Variants in GRM7 observed in about 807,000 individuals in gnomAD.
GRM7 encodes glutamate metabotropic receptor 7, also known as metabotropic glutamate receptor 7.
GRM7 carries 35 observed loss-of-function variants against 84.5 expected under a neutral mutation model. That is an observed-to-expected ratio of 0.41 (90% CI 0.32 to 0.55). The LOEUF is 0.55. GRM7 is among the 20% of genes least tolerant of loss of function. GRM7 has a pLI of 0.19. For missense variants in GRM7, 1,003 were observed against 1,194.6 expected (o/e 0.84, Z 2.36); for synonymous variants, 487 against 455.1 (o/e 1.07, Z -0.89).
chr3:6,952,866 C>T (rs1243039373), intron 1 of GRM7, among the ~76,000 whole-genome samples: 1 of 152,130 alleles, frequency 6.6e-6, no homozygotes, highest in African/African-American at 2.4e-5. Flanking sequence ...TTACCAACAT[C>T]CTCGTGGTTA....
intron 4 of GRM7, among the ~76,000 whole-genome samples, chr3:7,341,031 A>G (rs1452766213): frequency 2.0e-5 from 3 of 152,188 alleles, no homozygotes; most frequent in East Asian, 1.9e-4. Flanking sequence ...TCTTAAGGCT[A>G]TAAGTGAAGA....
At chr3:7,444,201 A>G (rs1031095652) in intron 5 of GRM7, among the ~76,000 whole-genome samples, 59 of 152,342 alleles carry the variant, frequency 3.9e-4, no homozygotes, top group African/African-American at 1.4e-3. Flanking sequence ...TGGCATAAAC[A>G]GAGTTTCAGA....
At chr3:7,178,766 T>G (rs1274167313) in intron 2 of GRM7, among the ~76,000 whole-genome samples, 1 of 151,938 alleles carries the variant, frequency 6.6e-6, no homozygotes, top group African/African-American at 2.4e-5. Flanking sequence ...TGGGTTTGTA[T>G]GTCAAGTATG....
chr3:6,998,138 A>AAAAAAAAAAAAAAAAAAAAAAC (rs1559375375), intron 1 of GRM7, among the ~76,000 whole-genome samples: 5 of 148,448 alleles, frequency 3.4e-5, no homozygotes, highest in Non-Finnish European at 6.0e-5. Flanking sequence ...AAAAAAAAAA[A>AAAAAAAAAAAAAAAAAAAAAAC]AGCAGGTTAG....
At chr3:7,667,923 C>T (rs1699767209) in intron 8 of GRM7, among the ~76,000 whole-genome samples, 1 of 150,676 alleles carries the variant, frequency 6.6e-6, no homozygotes, top group Non-Finnish European at 1.5e-5. Flanking sequence ...GCAACCATTT[C>T]ATTTTTCTAT....
At chr3:6,877,621 C>T (rs1695357492) in intron 1 of GRM7, among the ~76,000 whole-genome samples, 2 of 152,032 alleles carry the variant, frequency 1.3e-5, no homozygotes, top group South Asian at 2.1e-4. Context: ...TTTTCAAATT[C>T]GCTCTTTGAT....
At chr3:7,734,267 A>C (rs944428141) in intron 9 of GRM7, among the ~76,000 whole-genome samples, 5 of 151,190 alleles carry the variant, frequency 3.3e-5, no homozygotes, top group African/African-American at 1.2e-4. Flanking sequence ...GTTTCCTCTC[A>C]ATGTGAGTTT....
chr3:7,455,282 T>A (rs943867817), intron 6 of GRM7, among the ~76,000 whole-genome samples: 6 of 152,098 alleles, frequency 3.9e-5, no homozygotes, highest in African/African-American at 9.7e-5. Context: ...AAGTAGTAAT[T>A]TTTTTAGGCA....
At chr3:7,412,100 C>G (rs1014042028) in intron 4 of GRM7, among the ~76,000 whole-genome samples, 1 of 151,738 alleles carries the variant, frequency 6.6e-6, no homozygotes, top group Admixed American at 6.6e-5. Flanking sequence ...TTGCTTCATT[C>G]ACTGATTCTG....
In GRM7 at chr3:7,269,041, G is replaced by C. The variant is rs1698754588; in HGVS notation, c.737-29643G>C. Among the ~76,000 whole-genome samples the C allele has an allele frequency of 2.0e-5, 3 of 152,210 alleles. No homozygotes were observed. The South Asian group carries it at 6.2e-4, about 32-fold the overall frequency. On this transcript the variant is annotated intron_variant, in intron 2 of 9. Transcript: ENST00000357716. ...AGAATAATTTCCCTTTGCTGTCCGTGATCTACAATTACAGAGTTATAAAAT... is the reference window on the plus strand; with the variant it reads ...AGAATAATTTCCCTTTGCTGTCCGTCATCTACAATTACAGAGTTATAAAAT...
At chr3:7,211,102 G>A (rs1696410109) in intron 2 of GRM7, among the ~76,000 whole-genome samples, 1 of 152,164 alleles carries the variant, frequency 6.6e-6, no homozygotes, top group Non-Finnish European at 1.5e-5. Context: ...CCTCTTGACA[G>A]TATGATATTT....
At chr3:7,471,450 G>T (rs149107720) in intron 7 of GRM7, among the ~76,000 whole-genome samples, 2 of 152,280 alleles carry the variant, frequency 1.3e-5, no homozygotes, top group African/African-American at 4.8e-5. Context: ...TGCTGACAGT[G>T]GTGGGTGGAT....
rs34373930 is a variant in GRM7, at chr3:7,578,481, A to G, written c.1575A>G (p.Leu525=). 428,154 of 1,612,616 alleles carry G rather than the reference A, an allele frequency of 0.27. 60,899 individuals carry two copies. The highest frequency in any genetic ancestry group is 0.28 in the Non-Finnish European group (331,417 of 1,178,776). Reference sequence around the variant, plus strand: ...AGATACCCGCCTCAGTGTGCACACTACCATGTAAGCCAGGACAGAGAAAGA... The same window carrying G: ...AGATACCCGCCTCAGTGTGCACACTGCCATGTAAGCCAGGACAGAGAAAGA... The part of the protein sequence containing the change: ...VREIPASVCT[L]PCKPGQRKKT... The change falls in exon 8 of 10, where the codon CTA becomes CTG. Residue 525 remains leucine (L), a synonymous_variant. Coordinates refer to ENST00000357716, the MANE Select transcript of GRM7 (RefSeq NM_000844.4).
At position 6,863,963 on chromosome 3, in the gene GRM7, A is replaced by T. The variant is rs1285239165; in HGVS notation, c.519+2056A>T. 2.0e-5 allele frequency among the ~76,000 whole-genome samples: 3 copies of T among 152,028 alleles called. No individual in the cohort carries two copies. The highest frequency in any genetic ancestry group is 2.9e-5 in the Non-Finnish European group (2 of 68,020). On this transcript the variant is annotated intron_variant, in intron 1 of 9. Coordinates refer to ENST00000357716, the MANE Select transcript of GRM7 (RefSeq NM_000844.4). The surrounding 1 kb of genome is among the most constrained non-coding windows in gnomAD (Gnocchi z 4.8). ...CTGAAAAATATTCCAGGGGGAGCTG[A>T]TTCCTTCTCTGGTGTGTGAACCTGA...
chr3:7,286,582 A>G (rs1489523688), intron 2 of GRM7, among the ~76,000 whole-genome samples: 1 of 152,182 alleles, frequency 6.6e-6, no homozygotes, highest in African/African-American at 2.4e-5. Context: ...GACAGAGGTG[A>G]AAATAATGTC....
chr3:7,613,935 G>C (rs972049024), intron 8 of GRM7, among the ~76,000 whole-genome samples: 2 of 152,164 alleles, frequency 1.3e-5, no homozygotes, highest in Non-Finnish European at 2.9e-5. Context: ...GAATGAAAGT[G>C]CCTGAACCTA....
chr3:7,144,167 T>A (rs1176055296), intron 1 of GRM7, among the ~76,000 whole-genome samples: 1 of 152,170 alleles, frequency 6.6e-6, no homozygotes, highest in Non-Finnish European at 1.5e-5. Context: ...TTTTAATGCT[T>A]ATTTAAAAAA....
intron 7 of GRM7, among the ~76,000 whole-genome samples, chr3:7,530,833 A>G (rs946426586): frequency 6.7e-6 from 1 of 149,066 alleles, no homozygotes; most frequent in Non-Finnish European, 1.5e-5. Flanking sequence ...TGGATTCTGG[A>G]TATTAGCCAG....
intron 3 of GRM7, among the ~76,000 whole-genome samples, chr3:7,305,329 GC>G (rs1700150061): frequency 9.4e-6 from 1 of 106,120 alleles, no homozygotes. Flanking sequence ...CTATGCTGCT[GC>G]TTTTTTTTTT....
Sources: allele counts gnomAD v4.1 joint callset (sites outside exome capture counted in the v4.1 genomes callset), GRCh38; gene constraint gnomAD v4.1.1; non-coding constraint Gnocchi (gnomAD v3.1); transcripts MANE v1.5; gene names NCBI Gene and HGNC (gene_info 2026-07-23, HGNC 2026-07-21).